Variants in PRPH2 observed in about 807,000 individuals in gnomAD.
The protein encoded by PRPH2 is peripherin 2, also known as peripherin-2.
Under a neutral mutation model 31.3 loss-of-function variants are expected in PRPH2, and 17 were observed. The ratio of observed to expected loss-of-function variants is 0.54; its 90% CI spans 0.37 to 0.81. PRPH2 has a LOEUF of 0.81. PRPH2 is among the 40% of genes least tolerant of loss of function. PRPH2 has a pLI of 0.00. For synonymous variants in PRPH2, 165 were observed against 184.4 expected (o/e 0.89, Z 0.85); for missense variants, 430 against 439.7 (o/e 0.98, Z 0.20).
chr6:42,719,275 C>T (rs1761851269), intron 1 of PRPH2, among the ~76,000 whole-genome samples: 1 of 151,282 alleles, frequency 6.6e-6, no homozygotes, highest in Non-Finnish European at 1.5e-5. Flanking sequence ...TTCTCTGGTT[C>T]AAGCAATTCT....
chr6:42,707,413 T>C (rs1800188932), intron 1 of PRPH2, among the ~76,000 whole-genome samples: 1 of 152,138 alleles, frequency 6.6e-6, no homozygotes, highest in Non-Finnish European at 1.5e-5. Flanking sequence ...TGAAGATGGA[T>C]CCTTGCATCA....
At chr6:42,704,099 CA>C (rs1400342498) in intron 2 of PRPH2, among the ~76,000 whole-genome samples, 2 of 93,524 alleles carry the variant, frequency 2.1e-5, no homozygotes, top group Admixed American at 2.1e-4. Flanking sequence ...GACTCAGCCT[CA>C]AAATAAAAAA....
intron 2 of PRPH2, 128 bp from the exon 3 acceptor site, chr6:42,698,635 G>A: frequency 1.5e-6 from 2 of 1,340,350 alleles, no homozygotes; most frequent in Non-Finnish European, 2.1e-6. Context: ...TGGAGTGTGG[G>A]TTGGTGACAG....
At position 42,704,546 on chromosome 6, in the gene PRPH2, G is replaced by A. The variant is rs61755806; in HGVS notation, c.647C>T (p.Pro216Leu). 6.2e-7 allele frequency: 1 copy of A among 1,614,204 alleles called. No individual in the cohort carries two copies. The highest frequency in any genetic ancestry group is 8.5e-7 in the Non-Finnish European group (1 of 1,180,032). The change falls in exon 2 of 3, where the codon CCT becomes CTT. Residue 216 changes from proline (P) to leucine (L), a missense_variant. Transcript: ENST00000230381. ...VDGVPFSCCN[P>L]SSPRPCIQYQ... ...CTGGATGCAGGGCCGTGGCGAGCTA[G>A]GATTGCAGCAGCTGAAAGGGACGCC...
chr6:42,697,810 T>TAGAAAAAA lies in PRPH2; in HGVS notation c.*484_*485insTTTTTTCT, dbSNP rs1799972802. The TAGAAAAAA allele has an allele frequency of 7.0e-6, 1 of 143,628 alleles. No homozygotes were observed. 8.9% of individuals were successfully genotyped at this position (143,628 alleles called of 1,614,324 possible). On this transcript the variant is annotated 3_prime_UTR_variant, in exon 3 of 3. Coordinates refer to ENST00000230381, the MANE Select transcript of PRPH2 (RefSeq NM_000322.5). ...ACGGCCAACCTGTCAATCTTGGCAT[T>TAGAAAAAA]AAAAAAAAAAAAAAAAGACAACATG...
chr6:42,697,831 A>G lies in PRPH2; in HGVS notation c.*464T>C, dbSNP rs1295694894. ...GCATTAAAAAAAAAAAAAAAAGACA[A>G]CATGGCCATTTTTCAGATTTCTGTG... is the stretch of plus-strand genomic sequence containing the variant. On this transcript the variant is annotated 3_prime_UTR_variant, in exon 3 of 3. Transcript: ENST00000230381. The G allele has an allele frequency of 6.6e-6, 1 of 151,694 alleles. No individual in the cohort carries two copies. Among genetic ancestry groups the G allele is most frequent in the Admixed American group, 6.4e-5 (1 of 15,524 alleles). 9.4% of individuals were successfully genotyped at this position (151,694 alleles called of 1,614,324 possible). A position where few individuals can be genotyped will look rare whatever the true frequency, so the allele number is the denominator to read the frequency against.
intron 1 of PRPH2, among the ~76,000 whole-genome samples, chr6:42,705,587 AAAAAAAAAAAAAATATATATATATAT>A (rs1301266075): frequency 0.015 from 107 of 6,924 alleles, 9 homozygotes; most frequent in African/African-American, 0.025. Flanking sequence ...AAAAAAAAAA[AAAAAAAAAAAAAATATATATATATAT>A]ATATATATAT....
intron 1 of PRPH2, among the ~76,000 whole-genome samples, chr6:42,707,122 ACTC>A (rs1800183105): frequency 6.7e-6 from 1 of 149,550 alleles, no homozygotes; most frequent in African/African-American, 2.5e-5. Flanking sequence ...CTGCTCTGGA[ACTC>A]CTGATCTCGA....
At chr6:42,705,267 G>T (rs1233948703) in intron 1 of PRPH2, among the ~76,000 whole-genome samples, 1 of 152,096 alleles carries the variant, frequency 6.6e-6, no homozygotes, top group African/African-American at 2.4e-5. Flanking sequence ...GTGTGTATTT[G>T]TTTAGCGCTT....
At position 42,722,382 on chromosome 6, in the gene PRPH2, C is replaced by G. The variant is rs1448974280; in HGVS notation, c.-48G>C. 1 of 1,608,762 alleles carries G rather than the reference C, an allele frequency of 6.2e-7. No homozygotes were observed. The highest frequency in any genetic ancestry group is 1.7e-5 in the Admixed American group (1 of 59,770). Reference sequence around the variant, plus strand: ...TGCTTCCCACAGCACAGCTCCCACCCCAAACCTTAACGAGCCCAGAGGCGG... The same window carrying G: ...TGCTTCCCACAGCACAGCTCCCACCGCAAACCTTAACGAGCCCAGAGGCGG... On this transcript the variant is annotated 5_prime_UTR_variant, in exon 1 of 3. Transcript: ENST00000230381. The surrounding 1 kb of genome is among the most constrained non-coding windows in gnomAD (Gnocchi z 4.4).
chr6:42,714,339 G>A (rs1031862217), intron 1 of PRPH2, among the ~76,000 whole-genome samples: 1 of 152,158 alleles, frequency 6.6e-6, no homozygotes, highest in Non-Finnish European at 1.5e-5. Flanking sequence ...TTAGGGCTAG[G>A]GGGAGGGAAG....
At chr6:42,705,603 T>A (rs1468079231) in intron 1 of PRPH2, among the ~76,000 whole-genome samples, 953 of 9,600 alleles carry the variant, frequency 0.099, 26 homozygotes, top group African/African-American at 0.23. Context: ...AAAAAAAATA[T>A]ATATATATAT....
intron 1 of PRPH2, among the ~76,000 whole-genome samples, chr6:42,706,395 ACT>A (rs1426001649): frequency 6.6e-6 from 1 of 151,638 alleles, no homozygotes; most frequent in Non-Finnish European, 1.5e-5. Context: ...ACACAGTGAG[ACT>A]CTGTCTCAAA....
rs1183396084 is a variant in PRPH2, at chr6:42,698,467, A to C, written c.869T>G (p.Leu290Arg). ...TTCCTCGGGGTTGGACACACCATCC[A>C]GCGACGTCTGTAGGTAGCGCAGCCC... is the stretch of plus-strand genomic sequence containing the variant. The part of the protein sequence containing the change: ...TIGLRYLQTS[L>R]DGVSNPEESE... The change falls in exon 3 of 3, where the codon CTG (leucine) becomes CGG (arginine). Residue 290 changes from leucine to arginine, a missense_variant. Leu to Arg is a moderately radical substitution (Grantham distance 102, BLOSUM62 -2). Transcript: ENST00000230381. 6.2e-7 allele frequency: 1 copy of C among 1,614,226 alleles called. No homozygotes were observed.
In PRPH2 at chr6:42,721,762, T is replaced by A. The variant is rs781029409; in HGVS notation, c.573A>T (p.Glu191Asp). The change falls in exon 1 of 3, where the codon GAA becomes GAT. Residue 191 changes from glutamate to aspartate, a missense_variant. Physicochemically the swap from Glu to Asp is conservative, Grantham distance 45 (BLOSUM62 2). Coordinates refer to ENST00000230381, the MANE Select transcript of PRPH2 (RefSeq NM_000322.5). ...SNRYLDFSSK[E>D]VKDRIKSNVD... ...GACTGGAAGCCACTCACTCTTTGACTTCTTTGGAGGAAAAGTCCAGGTAGC... is the reference window on the plus strand; with the variant it reads ...GACTGGAAGCCACTCACTCTTTGACATCTTTGGAGGAAAAGTCCAGGTAGC... 6.2e-7 allele frequency: 1 copy of A among 1,614,184 alleles called. No homozygotes were observed.
chr6:42,701,618 C>T (rs1800046024), intron 2 of PRPH2, among the ~76,000 whole-genome samples: 1 of 151,266 alleles, frequency 6.6e-6, no homozygotes. Context: ...ATGAGATCCT[C>T]CCATCTTGGC....
rs1458793437 is a variant in PRPH2 at position 42,704,444 on chromosome 6, C to A, written c.749G>T (p.Cys250Phe). The A allele has an allele frequency of 1.2e-6, 2 of 1,612,494 alleles. No individual in the cohort carries two copies. The highest frequency in any genetic ancestry group is 1.1e-5 in the South Asian group (1 of 90,764). ...GTAGTAGCTCAGCAGGGCAGCCCTG[C>A]AGCCACGCACCCACAGGTTGAGCTC... ...TEELNLWVRG[C>F]RAALLSYYSS... The change falls in exon 2 of 3, where the codon TGC (cysteine) becomes TTC (phenylalanine). Residue 250 changes from cysteine (C) to phenylalanine (F), a missense_variant. Coordinates refer to ENST00000230381, the MANE Select transcript of PRPH2 (RefSeq NM_000322.5).
intron 1 of PRPH2, among the ~76,000 whole-genome samples, chr6:42,719,761 G>T (rs1263870358): frequency 6.6e-6 from 1 of 151,264 alleles, no homozygotes; most frequent in Non-Finnish European, 1.5e-5. Flanking sequence ...TAGAGACGGG[G>T]TTTCTCCGTG....
At chr6:42,718,066 G>C (rs1761823901) in intron 1 of PRPH2, among the ~76,000 whole-genome samples, 1 of 152,168 alleles carries the variant, frequency 6.6e-6, no homozygotes, top group South Asian at 2.1e-4. Flanking sequence ...CCAGCACTTT[G>C]GGAGGTCAAG....
Sources: gnomAD v4.1 joint callset for allele counts (sites outside exome capture counted in the v4.1 genomes callset) on GRCh38, gnomAD v4.1.1 for gene constraint, Gnocchi (gnomAD v3.1) non-coding constraint, MANE v1.5 for transcripts, NCBI Gene and HGNC (gene_info 2026-07-23, HGNC 2026-07-21) for gene names.